Variants in PCDH15 observed in about 807,000 individuals in gnomAD.
The protein encoded by PCDH15 is protocadherin-15.
In PCDH15, 129 loss-of-function variants were observed where a neutral mutation model predicts 178.5. The observed-to-expected ratio is 0.72, with a 90% confidence interval of 0.63 to 0.84. The LOEUF (loss-of-function observed/expected upper bound fraction) is 0.84. Ranked by LOEUF, PCDH15 falls within the 40% of genes least tolerant of loss-of-function variation. PCDH15 has a pLI of 0.00. For synonymous variants in PCDH15, 800 were observed against 732.0 expected (o/e 1.09, Z -1.50); for missense variants, 2,230 against 2,099.9 (o/e 1.06, Z -1.21).
chr10:54,169,751 C>A (rs1479823977), intron 13 of PCDH15, among the ~76,000 whole-genome samples: 1 of 151,998 alleles, frequency 6.6e-6, no homozygotes, highest in Non-Finnish European at 1.5e-5. Flanking sequence ...GACATCCCAT[C>A]CCGCAGCACG....
chr10:54,479,197 A>C (rs1212379529), intron 3 of PCDH15, among the ~76,000 whole-genome samples: 2 of 151,888 alleles, frequency 1.3e-5, no homozygotes, highest in Non-Finnish European at 2.9e-5. Flanking sequence ...TGGATCATGA[A>C]ATTTCTGACA....
At chr10:54,485,311 A>C (rs2137001433) in intron 3 of PCDH15, among the ~76,000 whole-genome samples, 1 of 151,992 alleles carries the variant, frequency 6.6e-6, no homozygotes, top group Admixed American at 6.6e-5. Flanking sequence ...GTTTCTAGAA[A>C]AGTGTTCCAA....
chr10:55,195,486 CAAAAAA>C (rs34476628), intron 1 of PCDH15, among the ~76,000 whole-genome samples: 2 of 115,228 alleles, frequency 1.7e-5, no homozygotes, highest in Admixed American at 9.2e-5. Context: ...ACTAAAAATA[CAAAAAA>C]AAAAAAAAAA....
At chr10:54,942,993 C>T (rs1733752) in intron 2 of PCDH15, among the ~76,000 whole-genome samples, 73,882 of 151,570 alleles carry the variant, frequency 0.49, 18,322 homozygotes, top group Middle Eastern at 0.56. Flanking sequence ...AAAGCAAAGC[C>T]CCTGAGGGAG....
intron 1 of PCDH15, among the ~76,000 whole-genome samples, chr10:54,715,322 T>C (rs1176845980): frequency 1.3e-5 from 2 of 152,174 alleles, no homozygotes; most frequent in Non-Finnish European, 2.9e-5. Flanking sequence ...TCACCCTCCA[T>C]CTTATTCCCC....
intron 2 of PCDH15, among the ~76,000 whole-genome samples, chr10:55,152,876 A>G (rs1838771748): frequency 6.6e-6 from 1 of 152,108 alleles, no homozygotes; most frequent in Non-Finnish European, 1.5e-5. Flanking sequence ...GTGTATGGAC[A>G]CATACACACA....
At chr10:53,954,855 T>C (rs916287496) in intron 23 of PCDH15, among the ~76,000 whole-genome samples, 1 of 152,366 alleles carries the variant, frequency 6.6e-6, no homozygotes, top group Non-Finnish European at 1.5e-5. Context: ...TATTTAAATG[T>C]AAAAATGTTT....
intron 2 of PCDH15, among the ~76,000 whole-genome samples, chr10:54,983,012 T>C (rs1839279390): frequency 6.6e-6 from 1 of 152,108 alleles, no homozygotes; most frequent in Non-Finnish European, 1.5e-5. Context: ...ACTTACAACA[T>C]TCAGTCTGAT....
rs370651653 is a variant in PCDH15 at position 55,359,478 on chromosome 10, A to C, written c.-155-192827T>G. Among the ~76,000 whole-genome samples, 5 of 151,788 alleles carry C rather than the reference A, an allele frequency of 3.3e-5. No homozygotes were observed. In the South Asian group the frequency reaches 1.0e-3, roughly 31 times the overall value. On this transcript the variant is annotated intron_variant, in intron 2 of 5. Coordinates refer to the PCDH15 transcript ENST00000613346. The stretch of plus-strand genomic sequence containing the variant: ...TGTGGAAAAATGGCAATTCATGTAC[A>C]CTATTGGTGGATATGTAAATTAGTA...
chr10:53,898,383 T>C (rs2082111381), intron 26 of PCDH15, among the ~76,000 whole-genome samples: 1 of 152,206 alleles, frequency 6.6e-6, no homozygotes, highest in Admixed American at 6.5e-5. Context: ...GTAAGAGTTA[T>C]ATTTTAACTG....
At chr10:54,921,822 G>GC (rs1837496260) in intron 2 of PCDH15, among the ~76,000 whole-genome samples, 1 of 152,106 alleles carries the variant, frequency 6.6e-6, no homozygotes, top group African/African-American at 2.4e-5. Flanking sequence ...GCAAAGTTCC[G>GC]CAGGCTGTAC....
chr10:55,172,812 T>C (rs7083935), intron 1 of PCDH15, among the ~76,000 whole-genome samples: 71,799 of 151,560 alleles, frequency 0.47, 17,247 homozygotes, highest in East Asian at 0.65. Flanking sequence ...AATTTAAATA[T>C]ATATATATCT....
At chr10:55,537,513 G>A (rs761860071) in intron 2 of PCDH15, among the ~76,000 whole-genome samples, 5 of 150,374 alleles carry the variant, frequency 3.3e-5, no homozygotes, top group South Asian at 2.1e-4. Flanking sequence ...CTGGCTCACT[G>A]CAAGCTCCGC....
At chr10:54,087,653 T>C (rs2094535940) in intron 16 of PCDH15, among the ~76,000 whole-genome samples, 1 of 152,236 alleles carries the variant, frequency 6.6e-6, no homozygotes, top group South Asian at 2.1e-4. Context: ...TCTTCATTTC[T>C]CTTGCATATG....
intron 8 of PCDH15, among the ~76,000 whole-genome samples, chr10:54,251,649 A>G (rs531195644): frequency 1.0e-3 from 155 of 152,300 alleles, no homozygotes; most frequent in Non-Finnish European, 1.7e-3. Context: ...GAGTAATCTT[A>G]CCTTCTTTAC....
At chr10:54,834,437 C>A (rs543673638) in intron 3 of PCDH15, among the ~76,000 whole-genome samples, 3 of 151,964 alleles carry the variant, frequency 2.0e-5, no homozygotes, top group Non-Finnish European at 4.4e-5. Flanking sequence ...CCTCAGCCTC[C>A]CAAAGTGCTG....
chr10:54,098,057 T>TAC (rs2094732331), intron 15 of PCDH15, among the ~76,000 whole-genome samples: 2 of 152,172 alleles, frequency 1.3e-5, no homozygotes, highest in Non-Finnish European at 2.9e-5. Context: ...TTGTATCTGG[T>TAC]ACTTGAAGCA....
intron 28 of PCDH15, 61 bp from the exon 29 acceptor site, chr10:53,840,557 A>G (rs1204805875): frequency 1.4e-6 from 2 of 1,458,786 alleles, no homozygotes; most frequent in African/African-American, 2.8e-5. Flanking sequence ...GTAAAAAATT[A>G]CTCTTAACTT....
intron 28 of PCDH15, among the ~76,000 whole-genome samples, chr10:53,852,764 A>T (rs756438368): frequency 2.2e-4 from 33 of 152,126 alleles, no homozygotes; most frequent in Non-Finnish European, 2.9e-4. Flanking sequence ...CAAAAAAAAA[A>T]ATGATCACAT....
Sources: gnomAD v4.1 joint callset for allele counts (sites outside exome capture counted in the v4.1 genomes callset) on GRCh38, gnomAD v4.1.1 for gene constraint, MANE v1.5 for transcripts, NCBI Gene and HGNC (gene_info 2026-07-23, HGNC 2026-07-21) for gene names.